Variants in AKAP6 observed in about 807,000 individuals in gnomAD.
The protein encoded by AKAP6 is A-kinase anchor protein 6.
A neutral mutation model predicts 188.5 loss-of-function variants in AKAP6; 58 were observed. The ratio of observed to expected loss-of-function variants is 0.31; its 90% CI spans 0.25 to 0.38. The LOEUF is 0.38. AKAP6 is among the 10% of genes least tolerant of loss of function. The probability of loss-of-function intolerance (pLI) is 1.00; values close to 1 mark genes in which losing one functional copy is unlikely to be tolerated. For synonymous variants in AKAP6, 989 were observed against 998.6 expected (o/e 0.99, Z 0.18); for missense variants, 2,710 against 2,740.0 (o/e 0.99, Z 0.24).
chr14:32,529,283 T>C (rs188547741), intron 2 of AKAP6, among the ~76,000 whole-genome samples: 160 of 152,314 alleles, frequency 1.1e-3, no homozygotes, highest in Non-Finnish European at 1.6e-3. Context: ...ATTGCTGGTA[T>C]ATAGGAAAGC....
chr14:32,589,758 AG>A (rs1885405800), intron 5 of AKAP6, among the ~76,000 whole-genome samples: 1 of 152,192 alleles, frequency 6.6e-6, no homozygotes, highest in Non-Finnish European at 1.5e-5. Context: ...GTTTTTAATT[AG>A]AATGCCGGGG....
intron 1 of AKAP6, among the ~76,000 whole-genome samples, chr14:32,380,325 A>G (rs1344989740): frequency 6.6e-6 from 1 of 152,152 alleles, no homozygotes; most frequent in Non-Finnish European, 1.5e-5. Flanking sequence ...CTTGTAGTAC[A>G]TGATCGAGCG....
At chr14:32,582,507 C>T (rs533323901) in intron 5 of AKAP6, among the ~76,000 whole-genome samples, 2 of 152,010 alleles carry the variant, frequency 1.3e-5, no homozygotes, top group African/African-American at 4.8e-5. Flanking sequence ...ATGTTTGTGG[C>T]GTTCTCTGTA....
At chr14:32,492,337 A>AATATATATATATATATATATATAT (rs148154496) in intron 2 of AKAP6, among the ~76,000 whole-genome samples, 14 of 76,754 alleles carry the variant, frequency 1.8e-4, no homozygotes, top group South Asian at 1.6e-3. Flanking sequence ...ACTACATTGT[A>AATATATATATATATATATATATAT]ATATATATAT....
rs1460958486 is a variant in AKAP6 at position 32,741,827 on chromosome 14, T to G, written c.3372+5945T>G. ...GAGATATTAGCCTGTAGGTTTTTTT[T>G]TTTTTTTTTTTTTTTTTAGTGCGTC... On this transcript the variant is annotated intron_variant, in intron 11 of 13. Coordinates refer to ENST00000280979, the MANE Select transcript of AKAP6 (RefSeq NM_004274.5). Among the ~76,000 whole-genome samples the G allele has an allele frequency of 3.4e-5, 5 of 146,846 alleles. No individual in the cohort carries two copies. In the South Asian group the frequency reaches 8.8e-4, roughly 26 times the overall value.
At chr14:32,460,993 G>T (rs1033322955) in intron 2 of AKAP6, among the ~76,000 whole-genome samples, 2 of 152,244 alleles carry the variant, frequency 1.3e-5, no homozygotes, top group Non-Finnish European at 2.9e-5. Flanking sequence ...CAGCAAAGTA[G>T]CTGTGGCCAG....
chr14:32,409,880 C>T (rs1286568067), intron 1 of AKAP6, among the ~76,000 whole-genome samples: 2 of 151,780 alleles, frequency 1.3e-5, no homozygotes, highest in Non-Finnish European at 2.9e-5. Context: ...AAACTCTGGC[C>T]TTTTTTTTCT....
chr14:32,646,461 C>G (rs191628740), intron 7 of AKAP6, among the ~76,000 whole-genome samples: 2 of 151,974 alleles, frequency 1.3e-5, no homozygotes, highest in African/African-American at 4.8e-5. Context: ...TGAAGCTGCA[C>G]GCAAGATCTA....
chr14:32,550,977 T>C (rs1883434418), intron 4 of AKAP6, among the ~76,000 whole-genome samples: 1 of 152,130 alleles, frequency 6.6e-6, no homozygotes, highest in Non-Finnish European at 1.5e-5. Flanking sequence ...AAAAGATAAA[T>C]CAGATTATGT....
chr14:32,380,344 T>C (rs571865280), intron 1 of AKAP6, among the ~76,000 whole-genome samples: 1 of 152,306 alleles, frequency 6.6e-6, no homozygotes, highest in Non-Finnish European at 1.5e-5. Context: ...CGACCTGTGG[T>C]AAATTGTTTT....
intron 2 of AKAP6, among the ~76,000 whole-genome samples, chr14:32,468,730 T>C (rs61373729): frequency 0.12 from 18,059 of 152,156 alleles, 1,213 homozygotes; most frequent in South Asian, 0.21. Context: ...CATATCCTTA[T>C]GTTGTTTTCG....
At chr14:32,676,647 A>T (rs572220941) in intron 7 of AKAP6, among the ~76,000 whole-genome samples, 1 of 152,214 alleles carries the variant, frequency 6.6e-6, no homozygotes, top group Non-Finnish European at 1.5e-5. Context: ...AGAACAGTTC[A>T]CATGAACCAA....
chr14:32,751,662 A>T (rs1436092848), intron 11 of AKAP6, among the ~76,000 whole-genome samples: 1 of 139,174 alleles, frequency 7.2e-6, no homozygotes. Context: ...AATCTCCCAG[A>T]TCTTGCCTTC....
chr14:32,815,797 A>G (rs1218284041), intron 12 of AKAP6, among the ~76,000 whole-genome samples: 2 of 152,220 alleles, frequency 1.3e-5, no homozygotes, highest in Non-Finnish European at 2.9e-5. Flanking sequence ...GCTCTCCCCT[A>G]GGACTTTACG....
At chr14:32,804,985 G>T (rs12897455) in intron 12 of AKAP6, among the ~76,000 whole-genome samples, 2 of 151,864 alleles carry the variant, frequency 1.3e-5, no homozygotes, top group African/African-American at 4.8e-5. Flanking sequence ...CCTAAAAATC[G>T]CTGTTATTCT....
chr14:32,815,688 C>T lies in AKAP6; in HGVS notation c.3589-5714C>T, dbSNP rs2284898. Among the ~76,000 whole-genome samples the T allele has an allele frequency of 7.4e-3, 1,131 of 152,320 alleles. 66 individuals are homozygous for T. In the South Asian group the frequency reaches 0.11, roughly 15 times the overall value. On this transcript the variant is annotated intron_variant, in intron 12 of 13. Coordinates refer to ENST00000280979, the MANE Select transcript of AKAP6 (RefSeq NM_004274.5). Reference sequence around the variant, plus strand: ...AACCTCCAGTCTTAAACACTGTTAACGGTTATTTAGGATTCAGCCATACTA... The same window carrying T: ...AACCTCCAGTCTTAAACACTGTTAATGGTTATTTAGGATTCAGCCATACTA...
At chr14:32,479,055 A>G (rs1879209649) in intron 2 of AKAP6, among the ~76,000 whole-genome samples, 1 of 152,206 alleles carries the variant, frequency 6.6e-6, no homozygotes, top group South Asian at 2.1e-4. Context: ...CCATTGACTC[A>G]GGGTTTAGAC....
intron 7 of AKAP6, among the ~76,000 whole-genome samples, chr14:32,655,931 G>T (rs1888434510): frequency 6.6e-6 from 1 of 152,222 alleles, no homozygotes; most frequent in East Asian, 1.9e-4. Context: ...TCTAAAGAAA[G>T]TCAATGTATG....
At position 32,827,996 on chromosome 14, in the gene AKAP6, TG is replaced by T. The variant is rs575854105; in HGVS notation, c.*43-1849del. On this transcript the variant is annotated intron_variant, in intron 13 of 13. Transcript: ENST00000280979. ...TGTATGAGTGTGGTGTTTTGGGGGG[TG>T]GGTTGAGGAGCTGTATTTACTTACA... Among the ~76,000 whole-genome samples, 587 of 152,074 alleles carry T rather than the reference TG, an allele frequency of 3.9e-3. 6 individuals carry two copies. The highest frequency in any genetic ancestry group is 5.8e-3 in the Non-Finnish European group (397 of 67,992).
Sources: gnomAD v4.1 joint callset for allele counts (sites outside exome capture counted in the v4.1 genomes callset) on GRCh38, gnomAD v4.1.1 for gene constraint, MANE v1.5 for transcripts, NCBI Gene and HGNC (gene_info 2026-07-23, HGNC 2026-07-21) for gene names.